Variants in SPAG9 observed in about 807,000 individuals in gnomAD.
SPAG9 encodes the protein C-Jun-amino-terminal kinase-interacting protein 4.
SPAG9 carries 35 observed loss-of-function variants against 166.5 expected under a neutral mutation model. The observed-to-expected ratio is 0.21, with a 90% CI of 0.16 to 0.28. The LOEUF (loss-of-function observed/expected upper bound fraction) is 0.28, where lower values mean the gene tolerates loss of function less well. Among genes scored for constraint, SPAG9 ranks in the 10% least tolerant of loss-of-function variants. The pLI, the probability that SPAG9 is intolerant of heterozygous loss-of-function variation, is 1.00. For missense variants in SPAG9, 1,235 were observed against 1,603.3 expected (o/e 0.77, Z 3.92); for synonymous variants, 534 against 565.5 (o/e 0.94, Z 0.79).
chr17:51,048,572 A>G (rs1028883988), intron 3 of SPAG9, among the ~76,000 whole-genome samples: 1 of 152,124 alleles, frequency 6.6e-6, no homozygotes, highest in Non-Finnish European at 1.5e-5. Flanking sequence ...CAATCTCTTT[A>G]TAACTTAAAA....
intron 6 of SPAG9, 155 bp downstream of exon 6, chr17:51,031,526 A>G: frequency 1.6e-6 from 1 of 642,008 alleles, no homozygotes; most frequent in Non-Finnish European, 2.8e-6. Flanking sequence ...GACAACCACT[A>G]CAGTGGAAAT....
At chr17:51,008,707 T>C (rs2045329581) in intron 9 of SPAG9, among the ~76,000 whole-genome samples, 1 of 152,110 alleles carries the variant, frequency 6.6e-6, no homozygotes, top group Admixed American at 6.6e-5. Context: ...GAATTAAATA[T>C]CAGAAATAGA....
chr17:51,098,315 A>T (rs1398365664), intron 1 of SPAG9, among the ~76,000 whole-genome samples: 4 of 142,066 alleles, frequency 2.8e-5, no homozygotes, highest in Non-Finnish European at 4.7e-5. Context: ...CAGAAGACAG[A>T]CAGTTCGTGG....
At chr17:51,104,488 T>C (rs1175276212) in intron 1 of SPAG9, among the ~76,000 whole-genome samples, 4 of 151,990 alleles carry the variant, frequency 2.6e-5, no homozygotes, top group African/African-American at 9.7e-5. Flanking sequence ...ACTACAAAAT[T>C]AGCCAGGTGT....
chr17:50,975,073 C>T, intron 27 of SPAG9, 126 bp from the exon 28 acceptor site: 1 of 833,626 alleles, frequency 1.2e-6, no homozygotes, highest in South Asian at 1.9e-5. Flanking sequence ...ACAAGGATGG[C>T]AATGCCAATT....
rs551885917 is a variant in SPAG9 at position 50,989,901 on chromosome 17, G to A, written c.2618-29C>T. ...CAAAGTAAATAAAACACTATTCCAA[G>A]TCTGGGCTTTTCTCCTCCAATTATT... On this transcript the variant is annotated intron_variant, in intron 20 of 29. Coordinates refer to ENST00000262013, the MANE Select transcript of SPAG9 (RefSeq NM_001130528.3). 57 of 1,597,768 alleles carry A rather than the reference G, an allele frequency of 3.6e-5. 1 individual carries two copies. Among genetic ancestry groups the A allele is most frequent in the South Asian group, 1.3e-4 (12 of 90,756 alleles).
chr17:50,990,476 G>A lies in SPAG9; in HGVS notation c.2591C>T (p.Ala864Val), dbSNP rs1185459892. The part of the protein sequence containing the change: ...GAATSPSTNG[A>V]SPVMDKPPEM... ...TGGTGGTTTATCCATCACTGGAGAAGCACCATTTGTACTAGGGGAAGTGGC... is the reference window on the plus strand; with the variant it reads ...TGGTGGTTTATCCATCACTGGAGAAACACCATTTGTACTAGGGGAAGTGGC... The change falls in exon 20 of 30, where the codon GCT becomes GTT. Residue 864 changes from alanine (A) to valine (V), a missense_variant. Coordinates refer to ENST00000262013, the MANE Select transcript of SPAG9 (RefSeq NM_001130528.3). 1.9e-6 allele frequency: 3 copies of A among 1,614,090 alleles called. No individual in the cohort carries two copies. Among genetic ancestry groups the A allele is most frequent in the East Asian group, 4.5e-5 (2 of 44,890 alleles).
intron 5 of SPAG9, among the ~76,000 whole-genome samples, chr17:51,037,670 T>C (rs1379033150): frequency 1.0e-5 from 1 of 95,982 alleles, no homozygotes; most frequent in East Asian, 2.3e-4. Flanking sequence ...GTGTTTTATA[T>C]ATATATATAT....
At chr17:51,086,850 C>T (rs959074559) in intron 1 of SPAG9, among the ~76,000 whole-genome samples, 23 of 151,844 alleles carry the variant, frequency 1.5e-4, no homozygotes, top group Non-Finnish European at 3.2e-4. Flanking sequence ...TGAACCCAGG[C>T]GGCAGAAGTT....
At chr17:50,970,011 T>A (rs943191363) in intron 29 of SPAG9, among the ~76,000 whole-genome samples, 2 of 152,250 alleles carry the variant, frequency 1.3e-5, no homozygotes, top group African/African-American at 4.8e-5. Context: ...AGGTGCTCAA[T>A]TAATGTTTGT....
intron 2 of SPAG9, among the ~76,000 whole-genome samples, chr17:51,072,781 T>C (rs1375302601): frequency 6.6e-6 from 1 of 152,184 alleles, no homozygotes; most frequent in East Asian, 1.9e-4. Context: ...TGACATAACA[T>C]TTATTTCAAT....
intron 19 of SPAG9, among the ~76,000 whole-genome samples, chr17:50,991,145 G>A (rs12451925): frequency 0.24 from 36,520 of 151,458 alleles, 5,236 homozygotes; most frequent in Admixed American, 0.34. Flanking sequence ...GGCCTCAAGG[G>A]ATCCACCAAC....
intron 5 of SPAG9, among the ~76,000 whole-genome samples, chr17:51,032,534 A>AGT (rs1188932344): frequency 5.3e-5 from 8 of 152,134 alleles, no homozygotes; most frequent in African/African-American, 1.7e-4. Context: ...CCTCTATGAG[A>AGT]CGGATGTGTT....
intron 1 of SPAG9, among the ~76,000 whole-genome samples, chr17:51,085,103 G>T (rs980139803): frequency 6.6e-6 from 1 of 151,838 alleles, no homozygotes; most frequent in Non-Finnish European, 1.5e-5. Context: ...CCAGCACTTT[G>T]GGAGGCCGAG....
chr17:51,011,253 G>A (rs1235334211), intron 9 of SPAG9, among the ~76,000 whole-genome samples: 1 of 151,642 alleles, frequency 6.6e-6, no homozygotes, highest in Non-Finnish European at 1.5e-5. Context: ...CTTGAGCCTA[G>A]GAGTTCCAGG....
chr17:51,084,684 C>T (rs2048258998), intron 1 of SPAG9, among the ~76,000 whole-genome samples: 1 of 152,134 alleles, frequency 6.6e-6, no homozygotes. Context: ...GCTGGGATTA[C>T]AGGTGTGAGT....
intron 8 of SPAG9, chr17:51,016,121 A>C (rs2045687916): frequency 6.6e-6 from 1 of 152,214 alleles, no homozygotes; most frequent in Non-Finnish European, 1.5e-5. Flanking sequence ...ATGGAAAAAA[A>C]ATCTCCCAAC....
chr17:51,092,892 C>T (rs1307383491), intron 1 of SPAG9, among the ~76,000 whole-genome samples: 1 of 151,836 alleles, frequency 6.6e-6, no homozygotes, highest in Non-Finnish European at 1.5e-5. Flanking sequence ...GAGCTATGAT[C>T]ACACCACTGC....
chr17:50,989,322 T>G (rs1170307382), intron 21 of SPAG9, among the ~76,000 whole-genome samples: 1 of 152,230 alleles, frequency 6.6e-6, no homozygotes, highest in Non-Finnish European at 1.5e-5. Flanking sequence ...GGCCTAGGTG[T>G]GTGATAAGCC....
Sources: gnomAD v4.1 joint callset for allele counts (sites outside exome capture counted in the v4.1 genomes callset) on GRCh38, gnomAD v4.1.1 for gene constraint, MANE v1.5 for transcripts, NCBI Gene and HGNC (gene_info 2026-07-23, HGNC 2026-07-21) for gene names.